PVR: variants seen among roughly 807,000 people sequenced by gnomAD.
The protein encoded by PVR is PVR cell adhesion molecule.
Under a neutral mutation model 43.3 loss-of-function variants are expected in PVR, and 39 were observed. The ratio of observed to expected loss-of-function variants is 0.90; its 90% CI spans 0.70 to 1.18. The LOEUF is 1.18. Ranked by LOEUF, PVR falls within the 50% of genes most tolerant of loss-of-function variation. The probability of loss-of-function intolerance (pLI) is 0.00; values close to 1 mark genes in which losing one functional copy is unlikely to be tolerated. For synonymous variants in PVR, 224 were observed against 233.2 expected (o/e 0.96, Z 0.36); for missense variants, 480 against 549.7 (o/e 0.87, Z 1.27).
At chr19:44,648,888 A>C (rs977214910) in intron 2 of PVR, among the ~76,000 whole-genome samples, 1 of 152,216 alleles carries the variant, frequency 6.6e-6, no homozygotes, top group African/African-American at 2.4e-5. Context: ...AATCTTCGGT[A>C]AATAATATAG....
At position 44,644,044 on chromosome 19, in the gene PVR, G is replaced by T. The variant is rs1477139523; in HGVS notation, c.-53G>T. 1.4e-6 allele frequency: 2 copies of T among 1,451,390 alleles called. No individual in the cohort carries two copies. The highest frequency in any genetic ancestry group is 1.8e-6 in the Non-Finnish European group (2 of 1,092,002). 89.9% of individuals were successfully genotyped at this position (1,451,390 alleles called of 1,614,324 possible). A position where few individuals can be genotyped will look rare whatever the true frequency, so the allele number is the denominator to read the frequency against. ...AGCGACCGCGGCAGAGCGAGCGGGC[G>T]CCGGGAAGCGAGGAGACGCCCGCGG... On this transcript the variant is annotated 5_prime_UTR_variant, in exon 1 of 8. Transcript: ENST00000425690.
chr19:44,652,582 C>A (rs963268532), intron 3 of PVR, among the ~76,000 whole-genome samples: 1 of 152,124 alleles, frequency 6.6e-6, no homozygotes, highest in South Asian at 2.1e-4. Flanking sequence ...CGGGATTTCA[C>A]CATGTTGGCC....
intron 5 of PVR, among the ~76,000 whole-genome samples, chr19:44,658,268 C>T (rs921295968): frequency 1.3e-5 from 2 of 152,234 alleles, no homozygotes; most frequent in African/African-American, 4.8e-5. Context: ...AATTCACCTT[C>T]AGGTATGGTT....
At chr19:44,658,978 G>T in intron 6 of PVR, 78 bp downstream of exon 6, 1 of 1,405,060 alleles carries the variant, frequency 7.1e-7, no homozygotes, top group South Asian at 1.3e-5. Flanking sequence ...GCCTCTCACT[G>T]AATCCTCACC....
At chr19:44,654,280 C>T (rs2123761226) in intron 4 of PVR, among the ~76,000 whole-genome samples, 1 of 149,856 alleles carries the variant, frequency 6.7e-6, no homozygotes, top group Middle Eastern at 3.4e-3. Flanking sequence ...GGGGTCTGGA[C>T]CCCTGGGTCT....
Position 44,649,995 on chromosome 19 carries a change from T to G in PVR, c.614T>G (p.Leu205Arg). The G allele has an allele frequency of 1.2e-6, 2 of 1,607,164 alleles. No homozygotes were observed. The highest frequency in any genetic ancestry group is 1.1e-5 in the South Asian group (1 of 90,306). ...TCTGGCACAGTCACTGTCACCAGCC[T>G]CTGGATATTGGTGCCCTCAAGCCAG... ...FLSGTVTVTS[L>R]WILVPSSQVD... is the part of the protein sequence containing the mutation. Residue 205 changes from leucine (L) to arginine (R), a missense_variant, in exon 3 of 8, where the codon CTC becomes CGC. Physicochemically the swap from Leu to Arg is moderately radical, Grantham distance 102. Coordinates refer to ENST00000425690, the MANE Select transcript of PVR (RefSeq NM_006505.5).
intron 1 of PVR, among the ~76,000 whole-genome samples, chr19:44,646,708 C>T (rs1039851833): frequency 3.3e-5 from 5 of 152,096 alleles, no homozygotes; most frequent in Admixed American, 1.3e-4. Flanking sequence ...AGAGGCAGAG[C>T]TTGCAGTGAG....
At chr19:44,646,739 T>G (rs1221275237) in intron 1 of PVR, among the ~76,000 whole-genome samples, 1 of 150,664 alleles carries the variant, frequency 6.6e-6, no homozygotes, top group Non-Finnish European at 1.5e-5. Context: ...GCCACTGCAC[T>G]CCCCCTGGGC....
In PVR at chr19:44,647,557, G is replaced by T. The variant is rs754129476; in HGVS notation, c.414G>T (p.Trp138Cys). The change falls in exon 2 of 8, where the codon TGG becomes TGT. Residue 138 changes from tryptophan (W) to cysteine (C), a missense_variant. Physicochemically the swap from Trp to Cys is radical, Grantham distance 215. Transcript: ENST00000425690. ...FPQGSRSVDI[W>C]LRVLAKPQNT... Reference sequence around the variant, plus strand: ...AGGGCAGCAGGAGCGTGGATATCTGGCTCCGAGTGCTTGGTGAGCAGGGGG... The same window carrying T: ...AGGGCAGCAGGAGCGTGGATATCTGTCTCCGAGTGCTTGGTGAGCAGGGGG... 6 of 1,609,956 alleles carry T rather than the reference G, an allele frequency of 3.7e-6. No individual in the cohort carries two copies. Among genetic ancestry groups the T allele is most frequent in the Non-Finnish European group, 5.1e-6 (6 of 1,177,346 alleles).
chr19:44,645,419 A>G (rs1377344494), intron 1 of PVR, among the ~76,000 whole-genome samples: 2,507 of 92,646 alleles, frequency 0.027, 70 homozygotes, highest in Non-Finnish European at 0.039. Context: ...TTTTGTGTAT[A>G]TATATATATA....
chr19:44,657,834 A>C lies in PVR; in HGVS notation c.915A>C (p.Pro305=), dbSNP rs763259405. The change falls in exon 5 of 8, where the codon CCA becomes CCC. Residue 305 remains proline, a synonymous_variant. Coordinates refer to ENST00000425690, the MANE Select transcript of PVR (RefSeq NM_006505.5). The part of the protein sequence containing the change: ...AQLLIRPVDK[P]INTTLICNVT... ...TCCTGATCCGTCCTGTGGACAAACC[A>C]ATCAACACAACTTTAATCTGCAACG... The C allele has an allele frequency of 9.3e-6, 15 of 1,613,826 alleles. No individual in the cohort carries two copies. The highest frequency in any genetic ancestry group is 6.7e-5 in the Admixed American group (4 of 59,950).
In PVR at chr19:44,661,890, A is replaced by G. The variant is rs1170112878; in HGVS notation, c.*79A>G. ...CCAGAGTTGGACCCGACCCCAATGG[A>G]TGAAGACCCCCTCCAAAGAGACCAG... On this transcript the variant is annotated 3_prime_UTR_variant, in exon 8 of 8. Coordinates refer to ENST00000425690, the MANE Select transcript of PVR (RefSeq NM_006505.5). 1.5e-6 allele frequency: 2 copies of G among 1,323,848 alleles called. No individual in the cohort carries two copies. The highest frequency in any genetic ancestry group is 2.3e-5 in the East Asian group (1 of 43,194). 82.0% of individuals were successfully genotyped at this position (1,323,848 alleles called of 1,614,324 possible). A position where few individuals can be genotyped will look rare whatever the true frequency, so the allele number is the denominator to read the frequency against.
intron 1 of PVR, among the ~76,000 whole-genome samples, chr19:44,645,848 C>G (rs1454477647): frequency 6.6e-6 from 1 of 151,924 alleles, no homozygotes; most frequent in African/African-American, 2.4e-5. Flanking sequence ...ATGCATAGGA[C>G]CATGTTTATT....
chr19:44,647,490 A>G lies in PVR; in HGVS notation c.347A>G (p.Glu116Gly). Residue 116 changes from glutamate (E) to glycine (G), a missense_variant, in exon 2 of 8, where the codon GAG becomes GGG. Coordinates refer to ENST00000425690, the MANE Select transcript of PVR (RefSeq NM_006505.5). ...CTGAGGATGTTCGGGTTGCGCGTAGAGGATGAAGGCAACTACACCTGCCTG... is the reference window on the plus strand; with the variant it reads ...CTGAGGATGTTCGGGTTGCGCGTAGGGGATGAAGGCAACTACACCTGCCTG... ...ASLRMFGLRV[E>G]DEGNYTCLFV... 1.9e-6 allele frequency: 3 copies of G among 1,614,138 alleles called. No individual in the cohort carries two copies. The highest frequency in any genetic ancestry group is 2.5e-6 in the Non-Finnish European group (3 of 1,180,022).
In PVR at chr19:44,647,211, G is replaced by A. The variant is rs908723609; in HGVS notation, c.80-12G>A. 2 of 1,519,226 alleles carry A rather than the reference G, an allele frequency of 1.3e-6. No individual in the cohort carries two copies. The highest frequency in any genetic ancestry group is 1.8e-6 in the Non-Finnish European group (2 of 1,127,686). The allele number at this position is 1,519,226 out of a possible 1,614,324, so 94.1% of individuals were successfully genotyped here. On this transcript the variant is annotated splice_polypyrimidine_tract_variant and intron_variant, in intron 1 of 7. Transcript: ENST00000425690. ...GCCCCGGGTCTGACACCTTCTCTTCGGTTCTCCGCAGGGGACGTCGTCGTG... is the reference window on the plus strand; with the variant it reads ...GCCCCGGGTCTGACACCTTCTCTTCAGTTCTCCGCAGGGGACGTCGTCGTG...
intron 3 of PVR, among the ~76,000 whole-genome samples, chr19:44,652,608 T>C (rs1973313386): frequency 6.6e-6 from 1 of 152,102 alleles, no homozygotes; most frequent in African/African-American, 2.4e-5. Context: ...GGTCTCAAAC[T>C]CCTGACCTCG....
At chr19:44,661,455 C>G (rs1973587953) in intron 7 of PVR, 132 bp downstream of exon 7, 5 of 1,006,828 alleles carry the variant, frequency 5.0e-6, no homozygotes, top group Non-Finnish European at 7.6e-6. Flanking sequence ...CATTTCCCAA[C>G]CCTTCCTGCT....
chr19:44,647,227 C>T lies in PVR; in HGVS notation c.84C>T (p.Asp28=). The change falls in exon 2 of 8, where the codon GAC becomes GAT. Residue 28 remains aspartate (D), a synonymous_variant. Transcript: ENST00000425690. Reference sequence around the variant, plus strand: ...CTTCTCTTCGGTTCTCCGCAGGGGACGTCGTCGTGCAGGCGCCCACCCAGG... The same window carrying T: ...CTTCTCTTCGGTTCTCCGCAGGGGATGTCGTCGTGCAGGCGCCCACCCAGG... The part of the protein sequence containing the change: ...VLSWPPPGTG[D]VVVQAPTQVP... The T allele has an allele frequency of 2.0e-6, 3 of 1,538,304 alleles. No homozygotes were observed. The highest frequency in any genetic ancestry group is 1.8e-6 in the Non-Finnish European group (2 of 1,138,370).
Position 44,663,918 on chromosome 19 carries a change from C to T in PVR, c.*2107C>T, listed in dbSNP as rs1016037802. Among the ~76,000 whole-genome samples, 1 of 152,030 alleles carries T rather than the reference C, an allele frequency of 6.6e-6. No homozygotes were observed. Among genetic ancestry groups the T allele is most frequent in the African/African-American group, 2.4e-5 (1 of 41,382 alleles). ...CACAGCTGCCCCTCACCATGCTAAG[C>T]TAATTTTTTTAATTAGATAGTACAT... is the stretch of plus-strand genomic sequence containing the variant. On this transcript the variant is annotated 3_prime_UTR_variant, in exon 8 of 8. Coordinates refer to ENST00000425690, the MANE Select transcript of PVR (RefSeq NM_006505.5).
Sources: allele counts gnomAD v4.1 joint callset (sites outside exome capture counted in the v4.1 genomes callset), GRCh38; gene constraint gnomAD v4.1.1; transcripts MANE v1.5; gene names NCBI Gene and HGNC (gene_info 2026-07-23, HGNC 2026-07-21).